The following SULT1B1 variants were observed in gnomAD, a reference collection of about 807,000 sequenced individuals.
SULT1B1 encodes the protein sulfotransferase 1B1.
SULT1B1 carries 28 observed loss-of-function variants against 34.6 expected under a neutral mutation model. That is an observed-to-expected ratio of 0.81 (90% confidence interval 0.60 to 1.11). The LOEUF (loss-of-function observed/expected upper bound fraction) is 1.11, where lower values mean the gene tolerates loss of function less well. SULT1B1 is among the 50% of genes least tolerant of loss of function. The pLI, the probability that SULT1B1 is intolerant of heterozygous loss-of-function variation, is 0.00. For synonymous variants in SULT1B1, 147 were observed against 110.2 expected, an observed-to-expected ratio of 1.33 and a Z score of -2.09; for missense variants, 374 against 352.2, an observed-to-expected ratio of 1.06 and a Z score of -0.50.
chr4:69,758,288 G>C (rs1349810418), intron 1 of SULT1B1: 1 of 984,560 alleles, frequency 1.0e-6, no homozygotes, highest in Non-Finnish European at 1.2e-6. Flanking sequence ...TGAATGATGA[G>C]ATTTCCACTT....
rs141660078 is a variant in SULT1B1, at chr4:69,730,507, G to T, written c.772C>A (p.Arg258Ser). The T allele has an allele frequency of 1.3e-6, 2 of 1,598,782 alleles. No homozygotes were observed. Among genetic ancestry groups the T allele is most frequent in the Non-Finnish European group, 8.6e-7 (1 of 1,167,972 alleles). ...VMDHSKSPFM[R>S]KGTAGDWKNY... ...AACCCAGCAAAGTATTTACCTTTAC[G>T]CATAAAAGGGGATTTGCTATGATCC... The change falls in exon 7 of 8, where the codon CGT becomes AGT. Residue 258 changes from arginine (R) to serine (S), a missense_variant. Coordinates refer to ENST00000310613, the MANE Select transcript of SULT1B1 (RefSeq NM_014465.4).
At chr4:69,747,743 C>A (rs1242402125) in intron 4 of SULT1B1, among the ~76,000 whole-genome samples, 4 of 152,160 alleles carry the variant, frequency 2.6e-5, no homozygotes, top group South Asian at 2.1e-4. Context: ...GAGTCTCCTG[C>A]AGCTAGGATC....
At chr4:69,743,053 C>T (rs1411125205) in intron 4 of SULT1B1, among the ~76,000 whole-genome samples, 4 of 152,218 alleles carry the variant, frequency 2.6e-5, no homozygotes, top group Non-Finnish European at 4.4e-5. Flanking sequence ...GTTTGGGCTC[C>T]TTGAAGGGCC....
In SULT1B1 at chr4:69,755,158, C is replaced by G; in HGVS notation, c.60G>C (p.Met20Ile). Residue 20 changes from methionine to isoleucine, a missense_variant, in exon 2 of 8, where the codon ATG becomes ATC. By Grantham distance (10) the Met-to-Ile change is conservative. Transcript: ENST00000310613. ...CCCAGTTGCTTGCAAAAGCACAGGT[C>G]ATGGGATAACCATGGACCAACTTCA... ...KDLKLVHGYPMTCAFASNWEK... is the reference protein window; with the variant it reads ...KDLKLVHGYPITCAFASNWEK... 1 of 1,613,942 alleles carries G rather than the reference C, an allele frequency of 6.2e-7. No homozygotes were observed. Among genetic ancestry groups the G allele is most frequent in the Non-Finnish European group, 8.5e-7 (1 of 1,179,816 alleles).
At chr4:69,755,799 A>C (rs942188037) in intron 1 of SULT1B1, among the ~76,000 whole-genome samples, 1 of 151,888 alleles carries the variant, frequency 6.6e-6, no homozygotes, top group African/African-American at 2.4e-5. Flanking sequence ...TTTTAGCTTT[A>C]TTGAGCTTCT....
chr4:69,733,563 T>C lies in SULT1B1; in HGVS notation c.503-56A>G, dbSNP rs80194402. On this transcript the variant is annotated intron_variant, in intron 5 of 7. Coordinates refer to ENST00000310613, the MANE Select transcript of SULT1B1 (RefSeq NM_014465.4). Reference sequence around the variant, plus strand: ...ACATTCATCAAATTAAATATTTCTGTCTGAATAGTAAATCAAATTGTGAAA... The same window carrying C: ...ACATTCATCAAATTAAATATTTCTGCCTGAATAGTAAATCAAATTGTGAAA... 166 of 1,293,332 alleles carry C rather than the reference T, an allele frequency of 1.3e-4. 2 individuals are homozygous for C. The East Asian group carries it at 3.9e-3, about 30-fold the overall frequency. 80.1% of individuals were successfully genotyped at this position (1,293,332 alleles called of 1,614,324 possible).
rs767107378 is a variant in SULT1B1 at position 69,755,436 on chromosome 4, G to A, written c.-44-175C>T. ...CAGTAGATTGCAAGAGCAGTAACTGGCTCTGTGACAAGCAGGACAAAGGTC... is the reference window on the plus strand; with the variant it reads ...CAGTAGATTGCAAGAGCAGTAACTGACTCTGTGACAAGCAGGACAAAGGTC... On this transcript the variant is annotated intron_variant, in intron 1 of 7. Transcript: ENST00000310613. 2.4e-4 allele frequency among the ~76,000 whole-genome samples: 37 copies of A among 152,130 alleles called. 1 individual carries two copies. Among genetic ancestry groups the A allele is most frequent in the Non-Finnish European group, 4.4e-5 (3 of 67,986 alleles).
Position 69,733,515 on chromosome 4 carries a change from C to A in SULT1B1, c.503-8G>T. The A allele has an allele frequency of 6.4e-7, 1 of 1,564,858 alleles. No homozygotes were observed. ...ACCAGGAACCATAGGCCACTAAAAC[C>A]AGATAAAAGTCTATTTTCATAAACA... On this transcript the variant is annotated splice_polypyrimidine_tract_variant and splice_region_variant and intron_variant, in intron 5 of 7. Coordinates refer to ENST00000310613, the MANE Select transcript of SULT1B1 (RefSeq NM_014465.4).
intron 4 of SULT1B1, among the ~76,000 whole-genome samples, chr4:69,743,296 C>T (rs1718621664): frequency 6.6e-6 from 1 of 152,164 alleles, no homozygotes; most frequent in South Asian, 2.1e-4. Context: ...GAGTGTTTAG[C>T]CCTCAGCAAA....
intron 4 of SULT1B1, among the ~76,000 whole-genome samples, chr4:69,738,036 C>T (rs1054610797): frequency 6.6e-6 from 1 of 152,104 alleles, no homozygotes; most frequent in African/African-American, 2.4e-5. Flanking sequence ...CAATTATACC[C>T]TGGTGTCTAT....
intron 1 of SULT1B1, among the ~76,000 whole-genome samples, chr4:69,756,993 A>T (rs1229404865): frequency 6.6e-6 from 1 of 151,850 alleles, no homozygotes; most frequent in Non-Finnish European, 1.5e-5. Context: ...ACACACACAC[A>T]CACACAAAGT....
At chr4:69,740,520 C>T (rs1456880987) in intron 4 of SULT1B1, among the ~76,000 whole-genome samples, 2 of 152,192 alleles carry the variant, frequency 1.3e-5, no homozygotes, top group Non-Finnish European at 2.9e-5. Flanking sequence ...GCCCTTGTCA[C>T]ATGAGGATTA....
Position 69,730,627 on chromosome 4 carries a change from C to T in SULT1B1, c.652G>A (p.Asp218Asn), listed in dbSNP as rs1036282706. ...IIRFLEKNLN[D>N]EILDRIIHHT... ...TGGATGATCCTATCCAAGATCTCAT[C>T]ATTCAGGTTCTTCTCTAGAAATCTA... The change falls in exon 7 of 8, where the codon GAT (aspartate) becomes AAT (asparagine). Residue 218 changes from aspartate to asparagine, a missense_variant. Transcript: ENST00000310613. The T allele has an allele frequency of 1.2e-6, 2 of 1,613,064 alleles. No individual in the cohort carries two copies. Among genetic ancestry groups the T allele is most frequent in the South Asian group, 1.1e-5 (1 of 91,036 alleles).
Position 69,734,251 on chromosome 4 carries a change from G to A in SULT1B1, c.389C>T (p.Ala130Val), listed in dbSNP as rs770322544. Residue 130 changes from alanine (A) to valine (V), a missense_variant, in exon 5 of 8, where the codon GCT (alanine) becomes GTT (valine). Ala to Val is a moderately conservative substitution (Grantham distance 64). Transcript: ENST00000310613. ...WENNCKMIYL[A>V]RNAKDVSVSY... is the part of the protein sequence containing the mutation. The stretch of plus-strand genomic sequence containing the variant: ...GACTGAAACATCCTTGGCATTACGA[G>A]CCAGATAAATCATCTGCAGTGGGGG... 4 of 1,611,184 alleles carry A rather than the reference G, an allele frequency of 2.5e-6. No homozygotes were observed. The highest frequency in any genetic ancestry group is 3.4e-6 in the Non-Finnish European group (4 of 1,178,766).
chr4:69,750,463 C>A (rs1718938084), intron 3 of SULT1B1, among the ~76,000 whole-genome samples: 1 of 152,106 alleles, frequency 6.6e-6, no homozygotes, highest in Admixed American at 6.5e-5. Context: ...ATAGATGATA[C>A]ATAAACTTCT....
At chr4:69,755,047 A>AT in intron 2 of SULT1B1, 23 bp downstream of exon 2, 1 of 1,587,508 alleles carries the variant, frequency 6.3e-7, no homozygotes, top group Non-Finnish European at 8.6e-7. Flanking sequence ...TCGGACTTGA[A>AT]TTTGTCAGGC....
chr4:69,756,169 T>C (rs1263338357), intron 1 of SULT1B1, among the ~76,000 whole-genome samples: 1 of 152,226 alleles, frequency 6.6e-6, no homozygotes, highest in Non-Finnish European at 1.5e-5. Context: ...TTAAGCATAC[T>C]AAGTACGGTT....
chr4:69,747,137 C>A (rs1039480279), intron 4 of SULT1B1, among the ~76,000 whole-genome samples: 1 of 152,132 alleles, frequency 6.6e-6, no homozygotes, highest in Non-Finnish European at 1.5e-5. Flanking sequence ...GGCAAAAGTG[C>A]TTCAGCGGAG....
chr4:69,751,741 C>A (rs376059159), intron 3 of SULT1B1, among the ~76,000 whole-genome samples: 1 of 152,158 alleles, frequency 6.6e-6, no homozygotes, highest in African/African-American at 2.4e-5. Context: ...CGTGAGCCAC[C>A]GCGCCCGGCC....
Sources: allele counts gnomAD v4.1 joint callset (sites outside exome capture counted in the v4.1 genomes callset), GRCh38; gene constraint gnomAD v4.1.1; transcripts MANE v1.5; gene names NCBI Gene and HGNC (gene_info 2026-07-23, HGNC 2026-07-21).